PRKCB: variants seen among roughly 807,000 people sequenced by gnomAD.
The protein encoded by PRKCB is protein kinase C beta.
A neutral mutation model predicts 81.5 loss-of-function variants in PRKCB; 13 were observed. The observed-to-expected ratio is 0.16, with a 90% CI of 0.10 to 0.25. The LOEUF (loss-of-function observed/expected upper bound fraction) is 0.25. PRKCB is among the 10% of genes least tolerant of loss of function. PRKCB has a pLI of 1.00. For synonymous variants in PRKCB, 335 were observed against 321.4 expected (o/e 1.04, Z -0.45); for missense variants, 509 against 875.7 (o/e 0.58, Z 5.29).
At chr16:24,184,358 C>T (rs1046017785) in intron 13 of PRKCB, among the ~76,000 whole-genome samples, 4 of 151,446 alleles carry the variant, frequency 2.6e-5, no homozygotes, top group South Asian at 2.1e-4. Flanking sequence ...GGCTGAGGTG[C>T]GAGGATTGCT....
At chr16:23,842,566 A>AT (rs1328255734) in intron 2 of PRKCB, among the ~76,000 whole-genome samples, 1 of 152,214 alleles carries the variant, frequency 6.6e-6, no homozygotes, top group Non-Finnish European at 1.5e-5. Flanking sequence ...CCTGGTTAGC[A>AT]TTGTCTTTTC....
intron 2 of PRKCB, among the ~76,000 whole-genome samples, chr16:23,875,387 A>G (rs1408323992): frequency 3.3e-5 from 5 of 151,934 alleles, no homozygotes; most frequent in Non-Finnish European, 4.4e-5. Context: ...AAGACTGAGG[A>G]GGAAGACCCA....
chr16:24,018,046 C>T (rs1056730012), intron 3 of PRKCB, among the ~76,000 whole-genome samples: 1 of 151,520 alleles, frequency 6.6e-6, no homozygotes, highest in Non-Finnish European at 1.5e-5. Flanking sequence ...CTACAGGTGC[C>T]CGCCACCACG....
rs1358571520 is a variant in PRKCB, at chr16:24,216,925, A to G, written c.*2109A>G. ...TCTGCTCTGTAGCAAGGCAGCAGAC[A>G]TCTCTGAGCCAGGCCCACCAACAGG... On this transcript the variant is annotated 3_prime_UTR_variant, in exon 17 of 17. Transcript: ENST00000643927. 1 of 985,338 alleles carries G rather than the reference A, an allele frequency of 1.0e-6. No homozygotes were observed. Among genetic ancestry groups the G allele is most frequent in the East Asian group, 1.1e-4 (1 of 8,828 alleles). 61.0% of individuals were successfully genotyped at this position (985,338 alleles called of 1,614,324 possible). A position where few individuals can be genotyped will look rare whatever the true frequency, so the allele number is the denominator to read the frequency against.
chr16:23,876,215 A>C lies in PRKCB; in HGVS notation c.205+38809A>C, dbSNP rs186967992. ...CCAACCACTCACTCACAGATCCCAC[A>C]GCCTACCAGGGAAGCCAGATATGGA... On this transcript the variant is annotated intron_variant, in intron 2 of 16. Coordinates refer to ENST00000643927, the MANE Select transcript of PRKCB (RefSeq NM_002738.7). Among the ~76,000 whole-genome samples the C allele has an allele frequency of 4.5e-3, 680 of 152,370 alleles. 1 individual carries two copies. Among genetic ancestry groups the C allele is most frequent in the Non-Finnish European group, 7.3e-3 (499 of 68,032 alleles).
At chr16:24,045,683 T>A (rs1277609961) in intron 5 of PRKCB, among the ~76,000 whole-genome samples, 1 of 152,192 alleles carries the variant, frequency 6.6e-6, no homozygotes, top group Non-Finnish European at 1.5e-5. Flanking sequence ...CTGCATCCCA[T>A]CGGCATTACC....
Position 24,038,677 on chromosome 16 carries a change from A to G in PRKCB, c.529+3130A>G, listed in dbSNP as rs111315998. On this transcript the variant is annotated intron_variant, in intron 5 of 16. Coordinates refer to ENST00000643927, the MANE Select transcript of PRKCB (RefSeq NM_002738.7). The stretch of plus-strand genomic sequence containing the variant: ...GGCCGAGTTCTCTAAAAATAGAGCC[A>G]AGATGGGGATTTTGTTCCAGTGATT... Among the ~76,000 whole-genome samples, 1,218 of 152,340 alleles carry G rather than the reference A, an allele frequency of 8.0e-3. 15 individuals are homozygous for G. The highest frequency in any genetic ancestry group is 0.028 in the African/African-American group (1,145 of 41,572).
At chr16:23,891,021 G>GTGTATATATAATGTGTGTGTA (rs1491316390) in intron 2 of PRKCB, among the ~76,000 whole-genome samples, 2 of 148,224 alleles carry the variant, frequency 1.3e-5, no homozygotes, top group Non-Finnish European at 3.0e-5. Flanking sequence ...GTGTGTGTGT[G>GTGTATATATAATGTGTGTGTA]TATATATATA....
intron 10 of PRKCB, among the ~76,000 whole-genome samples, chr16:24,169,922 G>A (rs527743018): frequency 3.3e-5 from 5 of 151,904 alleles, no homozygotes; most frequent in Admixed American, 2.0e-4. Context: ...GACTACAGGC[G>A]CACACCATCA....
At chr16:23,947,734 A>G (rs905335978) in intron 2 of PRKCB, among the ~76,000 whole-genome samples, 8 of 152,130 alleles carry the variant, frequency 5.3e-5, no homozygotes, top group Admixed American at 1.3e-4. Flanking sequence ...AGAGAGATGA[A>G]GAATGATTGG....
At chr16:23,999,769 AGAG>A (rs1965007702) in intron 3 of PRKCB, among the ~76,000 whole-genome samples, 1 of 152,232 alleles carries the variant, frequency 6.6e-6, no homozygotes, top group Non-Finnish European at 1.5e-5. Context: ...AACAAGAAAC[AGAG>A]GAGTTGTCTC....
Position 24,220,131 on chromosome 16 carries a change from C to T in PRKCB, c.*5315C>T, listed in dbSNP as rs140062455. On this transcript the variant is annotated 3_prime_UTR_variant, in exon 17 of 17. Transcript: ENST00000643927. ...ATGTGTAGGTGAATGCAAACTCCAT[C>T]GTTGAGCCTGGGGTGTAAGACTTCA... 2.0e-5 allele frequency: 33 copies of T among 1,613,646 alleles called. No homozygotes were observed. The highest frequency in any genetic ancestry group is 1.2e-4 in the Admixed American group (7 of 59,996).
chr16:23,912,999 A>AT (rs920717370), intron 2 of PRKCB, among the ~76,000 whole-genome samples: 2 of 151,798 alleles, frequency 1.3e-5, no homozygotes, highest in Admixed American at 6.6e-5. Flanking sequence ...TAATTGTTGT[A>AT]TTTTTTATAG....
intron 3 of PRKCB, among the ~76,000 whole-genome samples, chr16:24,022,053 G>C (rs1364109114): frequency 6.6e-6 from 1 of 152,144 alleles, no homozygotes; most frequent in Non-Finnish European, 1.5e-5. Flanking sequence ...AAGAGGAATC[G>C]TGCCAGGATC....
At chr16:24,096,099 C>A (rs1424347802) in intron 7 of PRKCB, among the ~76,000 whole-genome samples, 1 of 152,122 alleles carries the variant, frequency 6.6e-6, no homozygotes, top group South Asian at 2.1e-4. Flanking sequence ...AGATCGAGAC[C>A]ATCCTGGCCA....
At chr16:24,007,468 T>C (rs1265399060) in intron 3 of PRKCB, among the ~76,000 whole-genome samples, 1 of 152,258 alleles carries the variant, frequency 6.6e-6, no homozygotes, top group Non-Finnish European at 1.5e-5. Flanking sequence ...AAGTGAATTC[T>C]GCATGATTCT....
intron 2 of PRKCB, among the ~76,000 whole-genome samples, chr16:23,876,176 G>A (rs978693934): frequency 1.3e-5 from 2 of 152,336 alleles, no homozygotes; most frequent in African/African-American, 4.8e-5. Flanking sequence ...ATATAATGGT[G>A]ACCAAGACAG....
At chr16:24,130,889 A>G (rs1966852389) in intron 9 of PRKCB, among the ~76,000 whole-genome samples, 1 of 152,192 alleles carries the variant, frequency 6.6e-6, no homozygotes, top group Non-Finnish European at 1.5e-5. Flanking sequence ...TGGGTGGATG[A>G]CACGTCGTCT....
intron 7 of PRKCB, among the ~76,000 whole-genome samples, chr16:24,108,742 A>T (rs1200317476): frequency 6.6e-6 from 1 of 150,568 alleles, no homozygotes; most frequent in Non-Finnish European, 1.5e-5. Flanking sequence ...AAAGTCTCCC[A>T]TGTCTACTTC....
Sources: allele counts gnomAD v4.1 joint callset (sites outside exome capture counted in the v4.1 genomes callset), GRCh38; gene constraint gnomAD v4.1.1; transcripts MANE v1.5; gene names NCBI Gene and HGNC (gene_info 2026-07-23, HGNC 2026-07-21).